The following ANK1 variants were observed in gnomAD, a reference collection of about 807,000 sequenced individuals.
ANK1 encodes ankyrin-1.
In ANK1, 51 loss-of-function variants were observed where a neutral mutation model predicts 210.4. The ratio of observed to expected loss-of-function variants is 0.24; its 90% confidence interval spans 0.19 to 0.31. The LOEUF (loss-of-function observed/expected upper bound fraction) is 0.31, where lower values mean the gene tolerates loss of function less well. ANK1 is among the 10% of genes least tolerant of loss of function. The probability of loss-of-function intolerance (pLI) is 1.00; values close to 1 mark genes in which losing one functional copy is unlikely to be tolerated. For missense variants in ANK1, 2,051 were observed against 2,504.4 expected, an observed-to-expected ratio of 0.82 and a Z score of 3.86; for synonymous variants, 967 against 1,025.9, an observed-to-expected ratio of 0.94 and a Z score of 1.10.
At chr8:41,715,191 G>A (rs1219442015) in intron 14 of ANK1, 117 bp from the exon 15 acceptor site, 40 of 957,196 alleles carry the variant, frequency 4.2e-5, no homozygotes, top group Non-Finnish European at 6.2e-5. Context: ...TGAAAGCAAA[G>A]GCACAGCCAT....
chr8:41,656,178 C>T (rs1194449184), intron 42 of ANK1, among the ~76,000 whole-genome samples: 1 of 152,260 alleles, frequency 6.6e-6, no homozygotes, highest in Non-Finnish European at 1.5e-5. Context: ...GGGCTTGTGC[C>T]AAGAAGGGGC....
intron 1 of ANK1, among the ~76,000 whole-genome samples, chr8:41,766,250 C>T (rs1460640065): frequency 6.6e-6 from 1 of 152,148 alleles, no homozygotes; most frequent in East Asian, 1.9e-4. Flanking sequence ...CTTGGGGGAT[C>T]TGAGAGCCGC....
At chr8:41,761,710 A>T (rs752434383) in intron 1 of ANK1, among the ~76,000 whole-genome samples, 1 of 152,102 alleles carries the variant, frequency 6.6e-6, no homozygotes, top group East Asian at 1.9e-4. Context: ...GAAGACTCCA[A>T]ATCTACAGCC....
upstream of ANK1, chr8:41,797,728 C>G (rs1849062332): frequency 1.3e-6 from 1 of 787,020 alleles, no homozygotes; most frequent in Non-Finnish European, 1.9e-6. This position sits in a 1 kb window ranked among gnomAD's most constrained non-coding sequence, Gnocchi z 4.0. Context: ...AGGGGTGGCG[C>G]CCGCCTGGGG....
intron 29 of ANK1, 123 bp from the exon 30 acceptor site, chr8:41,693,324 T>C: frequency 1.2e-6 from 1 of 843,914 alleles, no homozygotes; most frequent in South Asian, 1.4e-5. Flanking sequence ...TCTGCAGCCC[T>C]GGGCACCCTA....
At chr8:41,685,217 C>G (rs1331116438) in intron 36 of ANK1, among the ~76,000 whole-genome samples, 1 of 152,234 alleles carries the variant, frequency 6.6e-6, no homozygotes, top group Admixed American at 6.5e-5. Context: ...GCATGAGCCA[C>G]CGTGCCCACC....
chr8:41,683,191 T>G (rs547665223), intron 37 of ANK1, among the ~76,000 whole-genome samples: 6 of 152,126 alleles, frequency 3.9e-5, no homozygotes, highest in Non-Finnish European at 7.4e-5. Context: ...ATGACATGCA[T>G]GTGGACGTGG....
rs1051580565 is a variant in ANK1 at position 41,694,004 on chromosome 8, G to A, written c.3426C>T (p.His1142=). ...GTGGGATCCGAAGCCCAATGGGGCG[G>A]TGGAACTTCCGGCGCCGGGGCTCCA... is the stretch of plus-strand genomic sequence containing the variant. ...VTVEPRRRKF[H]RPIGLRIPLP... The change falls in exon 29 of 43, where the codon CAC becomes CAT. Residue 1142 remains histidine (H), a synonymous_variant. Coordinates refer to ENST00000289734, the MANE Select transcript of ANK1 (RefSeq NM_000037.4). The surrounding 1 kb of genome is among the most constrained non-coding windows in gnomAD (Gnocchi z 5.7). 3 of 1,614,118 alleles carry A rather than the reference G, an allele frequency of 1.9e-6. No individual in the cohort carries two copies. Among genetic ancestry groups the A allele is most frequent in the Non-Finnish European group, 2.5e-6 (3 of 1,179,982 alleles).
rs148165519 is a variant in ANK1 at position 41,715,787 on chromosome 8, C to A, written c.1467G>T (p.Leu489=). ...GGTTGGGGTTGGCGTTATTTTCCAG[C>A]AGGAGCTTCACCATGTTTGTGTGGC... ...RIGHTNMVKL[L]LENNANPNLA... is the part of the protein sequence containing the mutation. Residue 489 remains leucine (L), a synonymous_variant, in exon 14 of 43, where the codon CTG becomes CTT. Transcript: ENST00000289734. The A allele has an allele frequency of 6.2e-7, 1 of 1,614,238 alleles. No individual in the cohort carries two copies. The highest frequency in any genetic ancestry group is 1.1e-5 in the South Asian group (1 of 91,086).
intron 1 of ANK1, among the ~76,000 whole-genome samples, chr8:41,889,743 G>A (rs1200736567): frequency 6.6e-6 from 1 of 152,166 alleles, no homozygotes; most frequent in Non-Finnish European, 1.5e-5. Flanking sequence ...TTTACTACCT[G>A]TGGATCTAAC....
At chr8:41,875,051 A>C (rs1816291672) in intron 1 of ANK1, among the ~76,000 whole-genome samples, 1 of 152,182 alleles carries the variant, frequency 6.6e-6, no homozygotes, top group Non-Finnish European at 1.5e-5. Context: ...GTCTCGGTCC[A>C]TATATGGGGC....
chr8:41,882,632 A>G (rs1360682052), intron 1 of ANK1, among the ~76,000 whole-genome samples: 1 of 152,202 alleles, frequency 6.6e-6, no homozygotes, highest in Non-Finnish European at 1.5e-5. Flanking sequence ...AGAAACTGGA[A>G]CTTACCAAAA....
At position 41,881,455 on chromosome 8, in the gene ANK1, T is replaced by C. The variant is rs142379453; in HGVS notation, c.126+14900A>G. 2.1e-3 allele frequency among the ~76,000 whole-genome samples: 323 copies of C among 152,326 alleles called. 1 individual carries two copies. Among genetic ancestry groups the C allele is most frequent in the South Asian group, 2.7e-3 (13 of 4,816 alleles). The stretch of plus-strand genomic sequence containing the variant: ...TCTGTATCTGTATCTATGGGATTGG[T>C]TCTGTTTCGGGAATACATGCCTTCT... On this transcript the variant is annotated intron_variant, in intron 1 of 42. Coordinates refer to the ANK1 transcript ENST00000265709.
rs190150106 is a variant in ANK1, at chr8:41,894,761, T to C, written c.126+1594A>G. 2.6e-5 allele frequency among the ~76,000 whole-genome samples: 4 copies of C among 151,730 alleles called. No homozygotes were observed. In the East Asian group the frequency reaches 7.8e-4, roughly 30 times the overall value. On this transcript the variant is annotated intron_variant, in intron 1 of 42. Transcript: ENST00000265709. ...TTCACATTCACGCCAAGAAAGTGGG[T>C]GAGCATCGCAGCGTAGAGCCAGACT... is the stretch of plus-strand genomic sequence containing the variant.
chr8:41,727,135 T>C, intron 5 of ANK1, 115 bp downstream of exon 5: 1 of 791,128 alleles, frequency 1.3e-6, no homozygotes, highest in South Asian at 1.4e-5. Flanking sequence ...GACCTGAAGG[T>C]CATCCATCAT....
intron 37 of ANK1, 22 bp from the exon 38 acceptor site, chr8:41,672,934 A>T (rs1812891673): frequency 6.3e-7 from 1 of 1,583,530 alleles, no homozygotes; most frequent in African/African-American, 1.3e-5. Flanking sequence ...GACAGAGGGC[A>T]ACATGCTCCA....
At position 41,709,352 on chromosome 8, in the gene ANK1, C is replaced by A. The variant is rs554180454; in HGVS notation, c.1801-377G>T. On this transcript the variant is annotated intron_variant, in intron 16 of 42. Coordinates refer to ENST00000289734, the MANE Select transcript of ANK1 (RefSeq NM_000037.4). ...CATAAAGAAAAAGAAACATCAGCCC[C>A]TTTTCTTTCCCAGTGCAACTGGGCC... Among the ~76,000 whole-genome samples, 22 of 152,356 alleles carry A rather than the reference C, an allele frequency of 1.4e-4. No homozygotes were observed. The East Asian group carries it at 4.0e-3, about 28-fold the overall frequency.
intron 1 of ANK1, among the ~76,000 whole-genome samples, chr8:41,822,124 GAA>G (rs1804488378): frequency 7.2e-5 from 2 of 27,728 alleles, no homozygotes; most frequent in African/African-American, 1.5e-4. Flanking sequence ...GAAAGAAAGA[GAA>G]AGAAAGAGAA....
intron 2 of ANK1, among the ~76,000 whole-genome samples, chr8:41,749,341 A>G (rs1176064119): frequency 8.0e-6 from 1 of 124,572 alleles, no homozygotes; most frequent in East Asian, 2.4e-4. Flanking sequence ...TCTGTTGCCC[A>G]GGCTGGAGTG....
Sources: allele counts gnomAD v4.1 joint callset (sites outside exome capture counted in the v4.1 genomes callset), GRCh38; gene constraint gnomAD v4.1.1; non-coding constraint Gnocchi (gnomAD v3.1); transcripts MANE v1.5; gene names NCBI Gene and HGNC (gene_info 2026-07-23, HGNC 2026-07-21).